WDR17: variants seen among roughly 807,000 people sequenced by gnomAD.
WDR17 encodes the protein WD repeat domain 17, also known as WD repeat-containing protein 17.
WDR17 carries 143 observed loss-of-function variants against 161.7 expected under a neutral mutation model. That is an observed-to-expected ratio of 0.88 (90% CI 0.77 to 1.02). The LOEUF is 1.02. Ranked by LOEUF, WDR17 falls within the 50% of genes least tolerant of loss-of-function variation. The probability of loss-of-function intolerance (pLI) is 0.00; values close to 1 mark genes in which losing one functional copy is unlikely to be tolerated. For synonymous variants in WDR17, 517 were observed against 515.6 expected, an observed-to-expected ratio of 1.00 and a Z score of -0.04; for missense variants, 1,469 against 1,520.9, an observed-to-expected ratio of 0.97 and a Z score of 0.57.
intron 1 of WDR17, among the ~76,000 whole-genome samples, chr4:176,104,384 CAATGCTA>C (rs1291927881): frequency 2.0e-5 from 3 of 151,930 alleles, no homozygotes; most frequent in Non-Finnish European, 4.4e-5. Context: ...TATTTGGAAA[CAATGCTA>C]TTGTTTGTTT....
chr4:176,128,428 A>G (rs1326467970), intron 5 of WDR17, among the ~76,000 whole-genome samples: 1 of 152,146 alleles, frequency 6.6e-6, no homozygotes, highest in Non-Finnish European at 1.5e-5. Context: ...TAGAACAAGC[A>G]TATGTCAATA....
chr4:176,110,778 A>G (rs1265125536), intron 1 of WDR17, among the ~76,000 whole-genome samples: 1 of 152,186 alleles, frequency 6.6e-6, no homozygotes, highest in Admixed American at 6.5e-5. Context: ...TAGAGACGTA[A>G]GGTTTAATGC....
chr4:176,083,138 G>T (rs1338805244), intron 1 of WDR17, among the ~76,000 whole-genome samples: 2 of 151,546 alleles, frequency 1.3e-5, no homozygotes, highest in African/African-American at 4.8e-5. Context: ...GCATACGTGG[G>T]GCATTTTAGA....
rs1736822750 is a variant in WDR17, at chr4:176,096,161, GAT to G, written c.-6-15412_-6-15411del. 2.0e-5 allele frequency among the ~76,000 whole-genome samples: 3 copies of G among 152,078 alleles called. No homozygotes were observed. The South Asian group carries it at 6.2e-4, about 32-fold the overall frequency. On this transcript the variant is annotated intron_variant, in intron 1 of 28. Coordinates refer to ENST00000508596, the MANE Select transcript of WDR17 (RefSeq NM_181265.4). ...TGCTGCCCATTTTGTGATTTTTATG[GAT>G]ACCTTATTTTTAACTTGGTAACTTT...
intron 1 of WDR17, among the ~76,000 whole-genome samples, chr4:176,070,404 G>A (rs1389839516): frequency 6.6e-6 from 1 of 152,094 alleles, no homozygotes; most frequent in East Asian, 1.9e-4. Context: ...CCTTTACTTA[G>A]CAAATTAAAA....
At chr4:176,160,383 A>G (rs1748850517) in intron 19 of WDR17, among the ~76,000 whole-genome samples, 1 of 152,098 alleles carries the variant, frequency 6.6e-6, no homozygotes, top group Admixed American at 6.6e-5. Context: ...GTGCAATGGC[A>G]CGATCTCAGC....
Position 176,071,122 on chromosome 4 carries a change from CT to C in WDR17, c.-7+5054del, listed in dbSNP as rs10654972. Among the ~76,000 whole-genome samples, 585 of 147,000 alleles carry C rather than the reference CT, an allele frequency of 4.0e-3. 2 individuals are homozygous for C. The highest frequency in any genetic ancestry group is 0.013 in the African/African-American group (531 of 39,972). On this transcript the variant is annotated intron_variant, in intron 1 of 28. Coordinates refer to ENST00000508596, the MANE Select transcript of WDR17 (RefSeq NM_181265.4). ...CAATTTATGGCAGAGTTCCTCAAGTCTTTTTTTTTTTAATGAGCAGTGATTC... is the reference window on the plus strand; with the variant it reads ...CAATTTATGGCAGAGTTCCTCAAGTCTTTTTTTTTTAATGAGCAGTGATTC...
chr4:176,178,612 A>G (rs1751800313), intron 28 of WDR17, among the ~76,000 whole-genome samples: 1 of 152,178 alleles, frequency 6.6e-6, no homozygotes, highest in South Asian at 2.1e-4. Context: ...TTCTGCCAGG[A>G]TATTTCTGTT....
At chr4:176,077,556 C>T (rs778260168) in intron 1 of WDR17, among the ~76,000 whole-genome samples, 5 of 152,060 alleles carry the variant, frequency 3.3e-5, no homozygotes, top group Non-Finnish European at 7.4e-5. Flanking sequence ...ATGCTGAAAC[C>T]TTATTTTATA....
At position 176,131,419 on chromosome 4, in the gene WDR17, T is replaced by C. The variant is rs965996524; in HGVS notation, c.914-135T>C. On this transcript the variant is annotated intron_variant, in intron 6 of 28. Transcript: ENST00000508596. ...TTTTTTGGCAATCCCAAAGAACTGC[T>C]TATGTGGGAGAATATATGATCATTG... 4.5e-5 allele frequency: 38 copies of C among 849,558 alleles called. No individual in the cohort carries two copies. The African/African-American group carries it at 6.1e-4, about 14-fold the overall frequency. 52.6% of individuals were successfully genotyped at this position (849,558 alleles called of 1,614,324 possible).
chr4:176,068,874 G>A lies in WDR17; in HGVS notation c.-7+2795G>A, dbSNP rs142173157. On this transcript the variant is annotated intron_variant, in intron 1 of 28. Transcript: ENST00000508596. ...TTCTCCCAAAGAATCTACTCTATAA[G>A]GAAACAAAACCTAGAGAAAAACATT... Among the ~76,000 whole-genome samples, 1,120 of 152,078 alleles carry A rather than the reference G, an allele frequency of 7.4e-3. 6 individuals are homozygous for A. The highest frequency in any genetic ancestry group is 0.01 in the Non-Finnish European group (699 of 67,962).
At chr4:176,146,256 C>G (rs1006536322) in intron 12 of WDR17, 97 bp downstream of exon 12, 12 of 1,269,594 alleles carry the variant, frequency 9.5e-6, no homozygotes, top group Non-Finnish European at 1.3e-5. Context: ...TAGATATATA[C>G]AGAGTCTCCC....
chr4:176,089,053 T>G (rs1735774982), intron 1 of WDR17, among the ~76,000 whole-genome samples: 1 of 152,214 alleles, frequency 6.6e-6, no homozygotes, highest in African/African-American at 2.4e-5. Flanking sequence ...GTGGACATGT[T>G]AATTTCTGCA....
chr4:176,092,682 C>G (rs950484020), intron 1 of WDR17, among the ~76,000 whole-genome samples: 1 of 152,094 alleles, frequency 6.6e-6, no homozygotes, highest in Non-Finnish European at 1.5e-5. Context: ...TCAGTAAAGT[C>G]ACAGAATGCA....
intron 5 of WDR17, among the ~76,000 whole-genome samples, chr4:176,127,852 A>G (rs186744743): frequency 3.3e-5 from 5 of 152,210 alleles, no homozygotes; most frequent in African/African-American, 1.2e-4. Context: ...ATTACTTTCT[A>G]TCTCTGTGGA....
At chr4:176,101,681 A>C (rs532478278) in intron 1 of WDR17, among the ~76,000 whole-genome samples, 1 of 152,328 alleles carries the variant, frequency 6.6e-6, no homozygotes, top group Admixed American at 6.5e-5. Flanking sequence ...GGATAGACAG[A>C]TAGATCAATG....
At chr4:176,151,314 C>T (rs914344544) in intron 16 of WDR17, among the ~76,000 whole-genome samples, 3 of 152,046 alleles carry the variant, frequency 2.0e-5, no homozygotes, top group African/African-American at 7.3e-5. Context: ...TTATCATTAC[C>T]TTTTATCTGT....
At chr4:176,122,252 T>C (rs1741713722) in intron 4 of WDR17, among the ~76,000 whole-genome samples, 1 of 152,162 alleles carries the variant, frequency 6.6e-6, no homozygotes, top group African/African-American at 2.4e-5. Flanking sequence ...AAATTTTCCC[T>C]TTTATAAAGA....
chr4:176,125,437 T>C, intron 5 of WDR17, 82 bp downstream of exon 5: 1 of 1,498,692 alleles, frequency 6.7e-7, no homozygotes, highest in Non-Finnish European at 9.0e-7. Context: ...CTTTATAGGT[T>C]GATTTTGTGT....
Sources: gnomAD v4.1 joint callset for allele counts (sites outside exome capture counted in the v4.1 genomes callset) on GRCh38, gnomAD v4.1.1 for gene constraint, MANE v1.5 for transcripts, NCBI Gene and HGNC (gene_info 2026-07-23, HGNC 2026-07-21) for gene names.